Variants in CDK14 observed in about 807,000 individuals in gnomAD.
CDK14 encodes the protein cyclin-dependent kinase 14.
A neutral mutation model predicts 60.7 loss-of-function variants in CDK14; 34 were observed. The observed-to-expected ratio is 0.56, with a 90% CI of 0.43 to 0.75. CDK14 has a LOEUF of 0.75. Ranked by LOEUF, CDK14 falls within the 30% of genes least tolerant of loss-of-function variation. The probability of loss-of-function intolerance (pLI) is 0.00; values close to 1 mark genes in which losing one functional copy is unlikely to be tolerated. For synonymous variants in CDK14, 197 were observed against 203.7 expected (o/e 0.97, Z 0.28); for missense variants, 482 against 564.1 (o/e 0.85, Z 1.47).
At chr7:90,877,262 A>T (rs899668641) in intron 6 of CDK14, among the ~76,000 whole-genome samples, 1 of 152,194 alleles carries the variant, frequency 6.6e-6, no homozygotes. Flanking sequence ...ATTGCCGTGT[A>T]TTATTAAGAT....
chr7:91,210,409 G>C lies in CDK14; in HGVS notation c.*3273G>C, dbSNP rs926552268. 2 of 152,438 alleles carry C rather than the reference G, an allele frequency of 1.3e-5. No individual in the cohort carries two copies. The highest frequency in any genetic ancestry group is 2.9e-5 in the Non-Finnish European group (2 of 68,012). 9.4% of individuals were successfully genotyped at this position (152,438 alleles called of 1,614,324 possible). A position where few individuals can be genotyped will look rare whatever the true frequency, so the allele number is the denominator to read the frequency against. On this transcript the variant is annotated 3_prime_UTR_variant, in exon 15 of 15. Coordinates refer to ENST00000380050, the MANE Select transcript of CDK14 (RefSeq NM_001287135.2). ...GGATTGGTACCTAAGAAATGTGGTA[G>C]CATTATTCAGAAAACTATTATACTT... is the stretch of plus-strand genomic sequence containing the variant.
chr7:90,735,499 A>G (rs1336191196), intron 3 of CDK14, among the ~76,000 whole-genome samples: 1 of 152,162 alleles, frequency 6.6e-6, no homozygotes, highest in African/African-American at 2.4e-5. Flanking sequence ...TTTCTTTCAG[A>G]AATGCCCTGC....
chr7:90,965,713 T>C (rs1250129122), intron 9 of CDK14, among the ~76,000 whole-genome samples: 1 of 152,222 alleles, frequency 6.6e-6, no homozygotes, highest in Non-Finnish European at 1.5e-5. Flanking sequence ...TTCAAATTCT[T>C]AGTATTTTGA....
rs187505539 is a variant in CDK14, at chr7:91,051,853, G to A, written c.1105+5893G>A. Among the ~76,000 whole-genome samples, 4 of 152,254 alleles carry A rather than the reference G, an allele frequency of 2.6e-5. No homozygotes were observed. The East Asian group carries it at 7.7e-4, about 29-fold the overall frequency. The stretch of plus-strand genomic sequence containing the variant: ...ACCCCCTGCTACATCCCATCGACAG[G>A]TGCTGTGGTTCATATGTCTCTGCTA... On this transcript the variant is annotated intron_variant, in intron 11 of 14. Transcript: ENST00000380050.
intron 14 of CDK14, among the ~76,000 whole-genome samples, chr7:91,165,275 G>A (rs989020823): frequency 9.2e-5 from 14 of 152,248 alleles, no homozygotes; most frequent in South Asian, 2.1e-4. Context: ...AGTCAACAGC[G>A]TACATCTAAT....
At chr7:90,635,819 G>C (rs1800131441) in intron 2 of CDK14, among the ~76,000 whole-genome samples, 1 of 151,802 alleles carries the variant, frequency 6.6e-6, no homozygotes, top group Admixed American at 6.6e-5. Context: ...TTGAGCAGTG[G>C]TTTGTAGTTC....
intron 2 of CDK14, among the ~76,000 whole-genome samples, chr7:90,717,601 C>A (rs146103463): frequency 6.6e-6 from 1 of 151,998 alleles, no homozygotes; most frequent in African/African-American, 2.4e-5. Flanking sequence ...AAAACTAAAT[C>A]GCAATGTTAG....
intron 2 of CDK14, among the ~76,000 whole-genome samples, chr7:90,705,926 T>C (rs1231224347): frequency 6.6e-6 from 1 of 151,998 alleles, no homozygotes; most frequent in Non-Finnish European, 1.5e-5. Flanking sequence ...TAGATTGTGT[T>C]TATTATAATC....
intron 9 of CDK14, among the ~76,000 whole-genome samples, chr7:90,977,121 G>A (rs775889308): frequency 7.2e-5 from 11 of 152,094 alleles, no homozygotes; most frequent in South Asian, 2.1e-4. Flanking sequence ...AAGGTGAAGC[G>A]TGGGAATCTA....
chr7:90,705,164 T>G (rs1482770256), intron 2 of CDK14, among the ~76,000 whole-genome samples: 1 of 109,332 alleles, frequency 9.1e-6, no homozygotes, highest in Non-Finnish European at 2.1e-5. Flanking sequence ...ATTTTTTCCT[T>G]TCTTTTAGAC....
At chr7:91,138,450 T>A (rs1800350791) in intron 14 of CDK14, among the ~76,000 whole-genome samples, 1 of 152,106 alleles carries the variant, frequency 6.6e-6, no homozygotes, top group South Asian at 2.1e-4. Flanking sequence ...ATTTTTTAAG[T>A]TAGTGAAGAA....
At chr7:90,874,430 A>G (rs1382388570) in intron 6 of CDK14, among the ~76,000 whole-genome samples, 1 of 151,160 alleles carries the variant, frequency 6.6e-6, no homozygotes, top group Non-Finnish European at 1.5e-5. Flanking sequence ...TGATAAAGTG[A>G]AAAAGAAACC....
At chr7:90,669,004 G>A (rs1169651052) in intron 2 of CDK14, among the ~76,000 whole-genome samples, 3 of 151,968 alleles carry the variant, frequency 2.0e-5, no homozygotes, top group African/African-American at 7.3e-5. Flanking sequence ...GCATGAGCCA[G>A]TGTGCCTGGC....
intron 7 of CDK14, among the ~76,000 whole-genome samples, chr7:90,905,242 T>A (rs895920739): frequency 3.3e-5 from 5 of 152,188 alleles, no homozygotes; most frequent in East Asian, 3.9e-4. Flanking sequence ...CAGGAGAGAT[T>A]TAGTAAAGGA....
chr7:90,947,560 T>C (rs1794137246), intron 8 of CDK14, among the ~76,000 whole-genome samples: 1 of 152,214 alleles, frequency 6.6e-6, no homozygotes, highest in Non-Finnish European at 1.5e-5. Flanking sequence ...ACCTAACAGA[T>C]TATAACTGCT....
chr7:91,199,894 A>T (rs1802664649), intron 14 of CDK14, among the ~76,000 whole-genome samples: 1 of 152,238 alleles, frequency 6.6e-6, no homozygotes, highest in South Asian at 2.1e-4. Flanking sequence ...TTTAATTAAT[A>T]TTCTCTTGCT....
At chr7:91,001,319 C>G (rs921589285) in intron 10 of CDK14, among the ~76,000 whole-genome samples, 1 of 151,960 alleles carries the variant, frequency 6.6e-6, no homozygotes, top group East Asian at 1.9e-4. Context: ...TGTGTTCTAC[C>G]AAAAATAATG....
At chr7:91,095,204 A>G (rs1350711330) in intron 12 of CDK14, among the ~76,000 whole-genome samples, 1 of 152,206 alleles carries the variant, frequency 6.6e-6, no homozygotes, top group African/African-American at 2.4e-5. Flanking sequence ...AAGCATATGA[A>G]AGCTGGGATT....
At chr7:91,020,816 G>A (rs1016911641) in intron 10 of CDK14, among the ~76,000 whole-genome samples, 39 of 152,156 alleles carry the variant, frequency 2.6e-4, no homozygotes, top group African/African-American at 9.2e-4. Context: ...GCATAGCTTA[G>A]CCAAGTCCTG....
Sources: allele counts gnomAD v4.1 joint callset (sites outside exome capture counted in the v4.1 genomes callset), GRCh38; gene constraint gnomAD v4.1.1; transcripts MANE v1.5; gene names NCBI Gene and HGNC (gene_info 2026-07-23, HGNC 2026-07-21).